The following IGSF23 variants were observed in gnomAD, a reference collection of about 807,000 sequenced individuals.
The protein encoded by IGSF23 is immunoglobulin superfamily member 23, also known as immunoglobulin superfamily, member 23.
IGSF23 carries 14 observed loss-of-function variants against 17.8 expected under a neutral mutation model. The observed-to-expected ratio is 0.79, with a 90% confidence interval of 0.52 to 1.23. The LOEUF is 1.23. Among genes scored for constraint, IGSF23 ranks in the 50% most tolerant of loss-of-function variants. IGSF23 has a pLI of 0.00. For missense variants in IGSF23, 214 were observed against 241.7 expected (o/e 0.89, Z 0.76); for synonymous variants, 85 against 92.5 (o/e 0.92, Z 0.46).
In IGSF23 at chr19:44,627,527, G is replaced by A. The variant is rs955806445; in HGVS notation, c.499G>A (p.Gly167Arg). Residue 167 changes from glycine to arginine, a missense_variant, in exon 3 of 5, where the codon GGG becomes AGG. Transcript: ENST00000402988. Reference protein sequence around the residue: ...GLLAAGILGAGALIAGMCFII... With the variant: ...GLLAAGILGARALIAGMCFII... Reference sequence around the variant, plus strand: ...CCTTGCGGCTGGGATCCTGGGAGCCGGGGCACTGATTGCAGGCATGTGTTT... The same window carrying A: ...CCTTGCGGCTGGGATCCTGGGAGCCAGGGCACTGATTGCAGGCATGTGTTT... 70 of 1,550,392 alleles carry A rather than the reference G, an allele frequency of 4.5e-5. No individual in the cohort carries two copies. The highest frequency in any genetic ancestry group is 5.7e-5 in the Non-Finnish European group (65 of 1,146,956).
At chr19:44,619,118 G>A (rs897525004) in intron 1 of IGSF23, among the ~76,000 whole-genome samples, 1 of 152,162 alleles carries the variant, frequency 6.6e-6, no homozygotes, top group Non-Finnish European at 1.5e-5. Context: ...AGGAGCAGGT[G>A]TCTCCCGTGA....
rs1198605524 is a variant in IGSF23 at position 44,613,688 on chromosome 19, C to T, written c.43C>T (p.Pro15Ser). The part of the protein sequence containing the change: ...PQSPLPRNPV[P>S]AWSPPTTTTD... ...GAGCCCCCTTCCCAGGAACCCTGTC[C>T]CAGCCTGGTCCCCACCCACCACCAC... Residue 15 changes from proline (P) to serine (S), a missense_variant, in exon 1 of 5, where the codon CCA becomes TCA. Physicochemically the swap from Pro to Ser is moderately conservative, Grantham distance 74. Coordinates refer to ENST00000402988, the MANE Select transcript of IGSF23 (RefSeq NM_001205280.2). The T allele has an allele frequency of 1.4e-5, 22 of 1,550,292 alleles. No individual in the cohort carries two copies. Among genetic ancestry groups the T allele is most frequent in the Non-Finnish European group, 1.9e-5 (22 of 1,146,904 alleles).
chr19:44,628,799 G>A (rs1364898165), intron 3 of IGSF23, among the ~76,000 whole-genome samples: 4 of 152,144 alleles, frequency 2.6e-5, no homozygotes, highest in African/African-American at 7.2e-5. Flanking sequence ...TATGTTGGAT[G>A]AGCGCTAAGG....
rs1326760106 is a variant in IGSF23 at position 44,623,975 on chromosome 19, G to A, written c.391+3G>A. 5.2e-6 allele frequency: 8 copies of A among 1,546,920 alleles called. No individual in the cohort carries two copies. The highest frequency in any genetic ancestry group is 2.4e-5 in the East Asian group (1 of 40,874). ...GCCTGTAACCATCTCGCTGCCAAGT[G>A]AGTCCCCCATTCCACCCCACCCCAC... On this transcript the variant is annotated splice_donor_region_variant and intron_variant, in intron 2 of 4. Transcript: ENST00000402988.
intron 3 of IGSF23, among the ~76,000 whole-genome samples, chr19:44,633,347 T>A (rs540502887): frequency 6.6e-6 from 1 of 152,372 alleles, no homozygotes; most frequent in African/African-American, 2.4e-5. Flanking sequence ...GGGAACTTTG[T>A]CTTTCCGCTT....
At chr19:44,626,823 G>A (rs1262364933) in intron 2 of IGSF23, among the ~76,000 whole-genome samples, 1 of 151,766 alleles carries the variant, frequency 6.6e-6, no homozygotes, top group Non-Finnish European at 1.5e-5. Flanking sequence ...CAGGGAGGCT[G>A]AGACACAAGA....
intron 1 of IGSF23, among the ~76,000 whole-genome samples, chr19:44,616,682 C>A (rs1324444580): frequency 5.6e-4 from 66 of 118,496 alleles, no homozygotes; most frequent in African/African-American, 2.0e-3. Context: ...GGCGACAGAG[C>A]GAGACTCCAT....
In IGSF23 at chr19:44,627,412, G is replaced by T. The variant is rs1805669759; in HGVS notation, c.392-8G>T. 6.7e-7 allele frequency: 1 copy of T among 1,500,048 alleles called. No homozygotes were observed. Among genetic ancestry groups the T allele is most frequent in the Non-Finnish European group, 9.0e-7 (1 of 1,113,414 alleles). 92.9% of individuals were successfully genotyped at this position (1,500,048 alleles called of 1,614,324 possible). The stretch of plus-strand genomic sequence containing the variant: ...GCTCCTCCAATCTCACCCCTCCTTG[G>T]TCCCCAGAACCCATCATGCAGCCCA... On this transcript the variant is annotated splice_polypyrimidine_tract_variant and splice_region_variant and intron_variant, in intron 2 of 4. Transcript: ENST00000402988.
chr19:44,614,566 G>C (rs1207804169), intron 1 of IGSF23, among the ~76,000 whole-genome samples: 1 of 152,008 alleles, frequency 6.6e-6, no homozygotes, highest in Non-Finnish European at 1.5e-5. Flanking sequence ...CTGCGTAGCT[G>C]GGACCATAGG....
Position 44,635,476 on chromosome 19 carries a change from G to C in IGSF23, c.*31+11G>C, listed in dbSNP as rs755773489. 1.1e-5 allele frequency: 17 copies of C among 1,535,254 alleles called. No homozygotes were observed. The East Asian group carries it at 4.2e-4, about 38-fold the overall frequency. On this transcript the variant is annotated intron_variant, in intron 4 of 4. Coordinates refer to ENST00000402988, the MANE Select transcript of IGSF23 (RefSeq NM_001205280.2). ...CTGTCAGCTGAAGAGGTAATACCAG[G>C]AAGGGTGTGAAGGAAATCCTAGGTT... is the stretch of plus-strand genomic sequence containing the variant.
Position 44,636,676 on chromosome 19 carries a change from G to C in IGSF23, c.*289G>C, listed in dbSNP as rs1972895777. The C allele has an allele frequency of 6.6e-6, 1 of 152,098 alleles. No individual in the cohort carries two copies. Among genetic ancestry groups the C allele is most frequent in the African/African-American group, 2.4e-5 (1 of 41,412 alleles). 9.4% of individuals were successfully genotyped at this position (152,098 alleles called of 1,614,324 possible). A position where few individuals can be genotyped will look rare whatever the true frequency, so the allele number is the denominator to read the frequency against. Reference sequence around the variant, plus strand: ...CTCAGTGCTCAGAAAACAGGGGGGAGGTTTTACCTTGGAAATTGGCCAGAC... The same window carrying C: ...CTCAGTGCTCAGAAAACAGGGGGGACGTTTTACCTTGGAAATTGGCCAGAC... On this transcript the variant is annotated 3_prime_UTR_variant, in exon 5 of 5. Transcript: ENST00000402988.
At chr19:44,613,924 C>T (rs537738606) in intron 1 of IGSF23, 154 bp downstream of exon 1, 23 of 1,547,236 alleles carry the variant, frequency 1.5e-5, no homozygotes, top group Middle Eastern at 3.3e-4. Context: ...GGACAGAACA[C>T]GAGATGAGGG....
intron 3 of IGSF23, among the ~76,000 whole-genome samples, chr19:44,630,745 G>C (rs1249636512): frequency 6.6e-6 from 1 of 152,210 alleles, no homozygotes; most frequent in Non-Finnish European, 1.5e-5. Flanking sequence ...GACCCTCCCA[G>C]TGAGGAGGAA....
intron 3 of IGSF23, among the ~76,000 whole-genome samples, chr19:44,633,440 T>C (rs184141517): frequency 6.6e-6 from 1 of 152,338 alleles, no homozygotes; most frequent in East Asian, 1.9e-4. Flanking sequence ...TATGTTGATT[T>C]TGAAGGATAT....
chr19:44,631,665 T>C (rs1280409031), intron 3 of IGSF23, among the ~76,000 whole-genome samples: 1 of 152,188 alleles, frequency 6.6e-6, no homozygotes, highest in Non-Finnish European at 1.5e-5. Flanking sequence ...ACATTAGCAT[T>C]GTTTCTATAG....
intron 3 of IGSF23, among the ~76,000 whole-genome samples, chr19:44,628,490 G>A (rs1168056334): frequency 6.6e-6 from 1 of 152,274 alleles, no homozygotes; most frequent in African/African-American, 2.4e-5. Flanking sequence ...GCTCACACCT[G>A]TAATCCCAGC....
chr19:44,614,581 C>T (rs138277983), intron 1 of IGSF23, among the ~76,000 whole-genome samples: 8 of 152,056 alleles, frequency 5.3e-5, no homozygotes, highest in Middle Eastern at 3.4e-3. Context: ...CATAGGTATG[C>T]GCCACCAAAC....
chr19:44,615,131 T>G (rs1316303717), intron 1 of IGSF23, among the ~76,000 whole-genome samples: 1 of 147,098 alleles, frequency 6.8e-6, no homozygotes, highest in Non-Finnish European at 1.5e-5. Context: ...CTACTAAAAA[T>G]ACAAAAAATT....
intron 3 of IGSF23, among the ~76,000 whole-genome samples, chr19:44,634,221 C>T (rs1158876191): frequency 6.6e-6 from 1 of 152,156 alleles, no homozygotes; most frequent in Non-Finnish European, 1.5e-5. Flanking sequence ...CAGGACAGGC[C>T]CCTCATGGCA....
Sources: gnomAD v4.1 joint callset for allele counts (sites outside exome capture counted in the v4.1 genomes callset) on GRCh38, gnomAD v4.1.1 for gene constraint, MANE v1.5 for transcripts, NCBI Gene and HGNC (gene_info 2026-07-23, HGNC 2026-07-21) for gene names.